NCAPG2: variants seen among roughly 807,000 people sequenced by gnomAD.
The protein encoded by NCAPG2 is non-SMC condensin II complex subunit G2.
In NCAPG2, 53 loss-of-function variants were observed where a neutral mutation model predicts 141.1. The ratio of observed to expected loss-of-function variants is 0.38; its 90% confidence interval spans 0.30 to 0.47. The LOEUF (loss-of-function observed/expected upper bound fraction) is 0.47. Among genes scored for constraint, NCAPG2 ranks in the 20% least tolerant of loss-of-function variants. The probability of loss-of-function intolerance (pLI) is 0.99; values close to 1 mark genes in which losing one functional copy is unlikely to be tolerated. For missense variants in NCAPG2, 1,087 were observed against 1,389.0 expected, an observed-to-expected ratio of 0.78 and a Z score of 3.46; for synonymous variants, 499 against 490.7, an observed-to-expected ratio of 1.02 and a Z score of -0.22.
intron 13 of NCAPG2, among the ~76,000 whole-genome samples, chr7:158,668,716 G>A (rs1473137549): frequency 1.3e-5 from 2 of 152,286 alleles, no homozygotes; most frequent in Non-Finnish European, 2.9e-5. Context: ...TTCACAAAAA[G>A]TTTTCTCCAA....
At position 158,663,230 on chromosome 7, in the gene NCAPG2, A is replaced by G. The variant is rs1587159730; in HGVS notation, c.1816-863T>C. ...GAGAAGCCCTGAGAGAAGAAACTCA[A>G]ACTCCACCGACCAAGAGCAGAACCA... is the stretch of plus-strand genomic sequence containing the variant. On this transcript the variant is annotated intron_variant, in intron 15 of 27. Transcript: ENST00000356309. 2.0e-5 allele frequency among the ~76,000 whole-genome samples: 3 copies of G among 152,322 alleles called. No homozygotes were observed. The South Asian group carries it at 6.2e-4, about 32-fold the overall frequency.
intron 2 of NCAPG2, 106 bp from the exon 3 acceptor site, chr7:158,693,603 C>G: frequency 2.0e-6 from 2 of 1,024,220 alleles, no homozygotes; most frequent in Non-Finnish European, 2.8e-6. Flanking sequence ...ATTACAAGTT[C>G]AAGAGTTTGG....
intron 13 of NCAPG2, among the ~76,000 whole-genome samples, chr7:158,670,801 A>G (rs1024214546): frequency 6.6e-6 from 1 of 152,032 alleles, no homozygotes; most frequent in African/African-American, 2.4e-5. Flanking sequence ...ATGAATACAC[A>G]AATCTGTCTG....
intron 27 of NCAPG2, chr7:158,641,295 A>G (rs2129456645): frequency 2.6e-6 from 1 of 392,008 alleles, no homozygotes; most frequent in South Asian, 1.4e-4. Context: ...AACTATATCA[A>G]TAATCACTTT....
intron 24 of NCAPG2, among the ~76,000 whole-genome samples, chr7:158,650,259 C>T (rs1587100889): frequency 6.6e-6 from 1 of 152,134 alleles, no homozygotes; most frequent in East Asian, 1.9e-4. Flanking sequence ...GTTGGCCAGG[C>T]TGGTCTCAAA....
chr7:158,631,383 C>A lies in NCAPG2; in HGVS notation c.*283G>T. The A allele has an allele frequency of 2.5e-6, 1 of 399,906 alleles. No homozygotes were observed. Among genetic ancestry groups the A allele is most frequent in the South Asian group, 3.9e-5 (1 of 25,528 alleles). 24.8% of individuals were successfully genotyped at this position (399,906 alleles called of 1,614,324 possible). ...ATATAAAAGTCATTTTAAAAACAAC[C>A]AGGTTTGCTAGAAAAGTGTTTTTTC... On this transcript the variant is annotated 3_prime_UTR_variant, in exon 28 of 28. Transcript: ENST00000356309.
At position 158,664,481 on chromosome 7, in the gene NCAPG2, T is replaced by A. The variant is rs376012171; in HGVS notation, c.1702+47A>T. ...TGAACTCTGTAATTTGTATTATGCT[T>A]TTGGGGGAAAACATAACAAGAACTG... On this transcript the variant is annotated intron_variant, in intron 14 of 27. Coordinates refer to ENST00000356309, the MANE Select transcript of NCAPG2 (RefSeq NM_017760.7). 8.6e-5 allele frequency: 137 copies of A among 1,587,798 alleles called. No individual in the cohort carries two copies. In the African/African-American group the frequency reaches 1.5e-3, roughly 18 times the overall value.
intron 5 of NCAPG2, among the ~76,000 whole-genome samples, 192 bp downstream of exon 5, chr7:158,690,376 T>C (rs1366479698): frequency 1.8e-4 from 28 of 152,182 alleles, no homozygotes; most frequent in Admixed American, 1.8e-3. Flanking sequence ...TTTAGAATGT[T>C]AGGAAGACGT....
intron 27 of NCAPG2, chr7:158,640,052 C>CAAAAAAAAA (rs58368997): frequency 2.0e-5 from 2 of 98,322 alleles, no homozygotes; most frequent in African/African-American, 3.9e-5. Flanking sequence ...GAATAAATGC[C>CAAAAAAAAA]AAAAAAAAAA....
chr7:158,636,591 G>C (rs950108185), intron 27 of NCAPG2, among the ~76,000 whole-genome samples: 5 of 151,742 alleles, frequency 3.3e-5, no homozygotes, highest in African/African-American at 1.2e-4. Context: ...TAGTAGAGAC[G>C]GGGTTTCTCC....
intron 11 of NCAPG2, among the ~76,000 whole-genome samples, chr7:158,676,749 A>T (rs984205707): frequency 6.6e-6 from 1 of 152,206 alleles, no homozygotes; most frequent in African/African-American, 2.4e-5. Context: ...TGAAAAACAC[A>T]ACAGAATTCT....
intron 13 of NCAPG2, chr7:158,667,229 G>A (rs1481417997): frequency 2.0e-6 from 2 of 985,240 alleles, no homozygotes; most frequent in Non-Finnish European, 2.4e-6. Context: ...CCTCTGCTCT[G>A]GCGCCCAAAC....
intron 27 of NCAPG2, among the ~76,000 whole-genome samples, chr7:158,641,888 T>C (rs909789787): frequency 3.3e-5 from 5 of 152,114 alleles, no homozygotes; most frequent in Non-Finnish European, 7.3e-5. Flanking sequence ...CCAAAAACAT[T>C]GTCAATTGGA....
chr7:158,694,689 G>A (rs1005551233), intron 2 of NCAPG2, among the ~76,000 whole-genome samples: 1 of 152,296 alleles, frequency 6.6e-6, no homozygotes, highest in Non-Finnish European at 1.5e-5. Flanking sequence ...GTAAGATGGA[G>A]GAACTAGAGT....
rs540640800 is a variant in NCAPG2, at chr7:158,692,656, G to A, written c.382+186C>T. On this transcript the variant is annotated intron_variant, in intron 4 of 27. Transcript: ENST00000356309. ...CTAGGGAGGCTGAGGCAAGAGAATCGCTTGAACCCGGGAGGCGGAGGTTGC... is the reference window on the plus strand; with the variant it reads ...CTAGGGAGGCTGAGGCAAGAGAATCACTTGAACCCGGGAGGCGGAGGTTGC... 2.6e-5 allele frequency among the ~76,000 whole-genome samples: 4 copies of A among 152,332 alleles called. No individual in the cohort carries two copies. In the East Asian group the frequency reaches 5.8e-4, roughly 22 times the overall value.
rs1830811636 is a variant in NCAPG2, at chr7:158,643,873, G to A, written c.3380+416C>T. On this transcript the variant is annotated intron_variant, in intron 27 of 27. Transcript: ENST00000356309. ...TGCAGGCTGTGCGTAGCAATGGGCT[G>A]TCCAGCAAGGGGGAAATTACACACA... Among the ~76,000 whole-genome samples the A allele has an allele frequency of 2.0e-5, 3 of 152,316 alleles. No homozygotes were observed. The South Asian group carries it at 6.2e-4, about 32-fold the overall frequency.
chr7:158,694,446 C>T (rs1318829971), intron 2 of NCAPG2, among the ~76,000 whole-genome samples: 1 of 152,154 alleles, frequency 6.6e-6, no homozygotes, highest in Non-Finnish European at 1.5e-5. Context: ...TCACCACTTT[C>T]CCACAGAGGC....
intron 2 of NCAPG2, among the ~76,000 whole-genome samples, chr7:158,694,649 T>C (rs900621522): frequency 1.3e-5 from 2 of 152,172 alleles, no homozygotes; most frequent in Non-Finnish European, 1.5e-5. Context: ...ACTTGCACTC[T>C]TCAAAACTGT....
At position 158,700,094 on chromosome 7, in the gene NCAPG2, T is replaced by C. The variant is rs956348689; in HGVS notation, c.78+1728A>G. On this transcript the variant is annotated intron_variant, in intron 2 of 27. Transcript: ENST00000356309. ...TATCAAATTGAACTATGGGAAACCA[T>C]CATTATTATATAAAATGGCATTTCT... Among the ~76,000 whole-genome samples, 4 of 152,224 alleles carry C rather than the reference T, an allele frequency of 2.6e-5. 1 individual carries two copies. The highest frequency in any genetic ancestry group is 2.0e-4 in the Admixed American group (3 of 15,282).
Sources: gnomAD v4.1 joint callset for allele counts (sites outside exome capture counted in the v4.1 genomes callset) on GRCh38, gnomAD v4.1.1 for gene constraint, MANE v1.5 for transcripts, NCBI Gene and HGNC (gene_info 2026-07-23, HGNC 2026-07-21) for gene names.